Variants in MUC20 observed in about 807,000 individuals in gnomAD.
The protein encoded by MUC20 is mucin 20, cell surface associated, also known as mucin-20.
Under a neutral mutation model 23.8 loss-of-function variants are expected in MUC20, and 14 were observed. The ratio of observed to expected loss-of-function variants is 0.59; its 90% CI spans 0.39 to 0.92. The LOEUF is 0.92. MUC20 is among the 40% of genes least tolerant of loss of function. The pLI, the probability that MUC20 is intolerant of heterozygous loss-of-function variation, is 0.00. For missense variants in MUC20, 375 were observed against 668.8 expected (o/e 0.56, Z 4.85); for synonymous variants, 166 against 279.3 (o/e 0.59, Z 4.04).
At chr3:195,727,609 A>G (rs1404468775) in intron 2 of MUC20, among the ~76,000 whole-genome samples, 1 of 152,298 alleles carries the variant, frequency 6.6e-6, no homozygotes, top group African/African-American at 2.4e-5. Flanking sequence ...GGGAATACAA[A>G]TATTAATCAC....
At chr3:195,727,777 G>A (rs866966310) in intron 2 of MUC20, among the ~76,000 whole-genome samples, 3 of 152,140 alleles carry the variant, frequency 2.0e-5, no homozygotes, top group Middle Eastern at 3.4e-3. Flanking sequence ...TCTGATGCCA[G>A]GCAGTGTGCC....
chr3:195,732,108 A>T (rs1302178692), intron 3 of MUC20, among the ~76,000 whole-genome samples: 1 of 152,172 alleles, frequency 6.6e-6, no homozygotes, highest in East Asian at 1.9e-4. Flanking sequence ...GGTTCAAGCC[A>T]TTCTCCTGCC....
Position 195,726,296 on chromosome 3 carries a change from T to A in MUC20, c.1693T>A (p.Ser565Thr), listed in dbSNP as rs745678866. The change falls in exon 2 of 4, where the codon TCC becomes ACC. Residue 565 changes from serine to threonine, a missense_variant. This residue lies in a region of MUC20 where 343 missense variants were observed against 340.2 expected (regional missense o/e 1.01). Coordinates refer to ENST00000447234, the MANE Select transcript of MUC20 (RefSeq NM_001282506.2). ...EAGSAVGKTT[S>T]FAGSSASSYS... ...TGGGTCAGCAGTGGGCAAAACAACT[T>A]CCTTTGCTGGGAGCTCTGCTTCCTC... The A allele has an allele frequency of 6.2e-7, 1 of 1,614,030 alleles. No homozygotes were observed. The highest frequency in any genetic ancestry group is 8.5e-7 in the Non-Finnish European group (1 of 1,179,886).
Position 195,729,646 on chromosome 3 carries a change from A to C in MUC20, c.1970-2A>C. On this transcript the variant is annotated splice_acceptor_variant, in intron 2 of 3. Transcript: ENST00000447234. LOFTEE classifies it high-confidence loss of function. ...TTTCATCTTACTGTTCTCCATTTGC[A>C]GGTGAAAATGGAGGTTTCCTCCTCC... 6.3e-7 allele frequency: 1 copy of C among 1,575,134 alleles called. No individual in the cohort carries two copies. Among genetic ancestry groups the C allele is most frequent in the Non-Finnish European group, 8.6e-7 (1 of 1,158,840 alleles).
chr3:195,729,527 G>T, intron 2 of MUC20, 121 bp from the exon 3 acceptor site: 1 of 912,588 alleles, frequency 1.1e-6, no homozygotes, highest in Non-Finnish European at 1.7e-6. Flanking sequence ...TGTTGGTCAG[G>T]CTGGTCTCAA....
Position 195,725,773 on chromosome 3 carries a change from C to T in MUC20, c.1170C>T (p.Asp390=), listed in dbSNP as rs532880685. 4.2e-5 allele frequency: 63 copies of T among 1,507,456 alleles called. No individual in the cohort carries two copies. The Admixed American group carries it at 7.4e-4, about 18-fold the overall frequency. 93.4% of individuals were successfully genotyped at this position (1,507,456 alleles called of 1,614,324 possible). A position where few individuals can be genotyped will look rare whatever the true frequency, so the allele number is the denominator to read the frequency against. Residue 390 remains aspartate (D), a synonymous_variant, in exon 2 of 4, where the codon GAC becomes GAT. Transcript: ENST00000447234. ...CCTCAGAGAGCAGCGCCTCTTCCGA[C>T]GGCCCCCATCCAGTCATCACCCCCT... ...SRASESSASS[D]GPHPVITPSW... is the part of the protein sequence containing the mutation.
chr3:195,723,549 G>T (rs1560174239), intron 1 of MUC20, among the ~76,000 whole-genome samples: 1 of 124,466 alleles, frequency 8.0e-6, no homozygotes, highest in African/African-American at 3.5e-5. Context: ...TTTTTTAAGT[G>T]TAAGTATGTA....
rs547741877 is a variant in MUC20 at position 195,733,485 on chromosome 3, TAAAG to T, written c.*269_*272del. ...CCTTGGCACATGTTCTGTGTTTCAGTAAAGAGAGACCTGATCACCCATCTGTGTG... is the reference window on the plus strand; with the variant it reads ...CCTTGGCACATGTTCTGTGTTTCAGTAGAGACCTGATCACCCATCTGTGTG... On this transcript the variant is annotated 3_prime_UTR_variant, in exon 4 of 4. Coordinates refer to ENST00000447234, the MANE Select transcript of MUC20 (RefSeq NM_001282506.2). 7.2e-4 allele frequency: 1,002 copies of T among 1,398,290 alleles called. 1 individual carries two copies. The African/African-American group carries it at 0.013, about 18-fold the overall frequency. The allele number at this position is 1,398,290 out of a possible 1,614,324, so 86.6% of individuals were successfully genotyped here.
In MUC20 at chr3:195,725,797, C is replaced by A. The variant is rs201581458; in HGVS notation, c.1194C>A (p.Pro398=). The change falls in exon 2 of 4, where the codon CCC becomes CCA. Residue 398 remains proline (P), a synonymous_variant. Coordinates refer to ENST00000447234, the MANE Select transcript of MUC20 (RefSeq NM_001282506.2). ...SSDGPHPVIT[P]SWSPGSDVTL... is the part of the protein sequence containing the mutation. ...ACGGCCCCCATCCAGTCATCACCCC[C>A]TCATGGTCCCCGGGATCTGACGTCA... 23 of 682,780 alleles carry A rather than the reference C, an allele frequency of 3.4e-5. No homozygotes were observed. The highest frequency in any genetic ancestry group is 7.8e-5 in the South Asian group (4 of 51,222). The allele number at this position is 682,780 out of a possible 1,614,324, so 42.3% of individuals were successfully genotyped here.
At position 195,733,255 on chromosome 3, in the gene MUC20, A is replaced by G. The variant is rs1275809205; in HGVS notation, c.*37A>G. ...TGCAGCCAGGCATGTCCCGTATGCC[A>G]AAAGAGGGTGCTGCCCCTAGCCTGG... On this transcript the variant is annotated 3_prime_UTR_variant, in exon 4 of 4. Coordinates refer to ENST00000447234, the MANE Select transcript of MUC20 (RefSeq NM_001282506.2). 1.9e-6 allele frequency: 3 copies of G among 1,564,934 alleles called. No homozygotes were observed. Among genetic ancestry groups the G allele is most frequent in the Admixed American group, 3.8e-5 (2 of 52,508 alleles).
rs1488708634 is a variant in MUC20, at chr3:195,726,211, C to G, written c.1608C>G (p.Leu536=). ...ATCCCCTTGAAGAAACCTCAGCCCTCTCTGTTGAGACACCAAGTTACGTCA... is the reference window on the plus strand; with the variant it reads ...ATCCCCTTGAAGAAACCTCAGCCCTGTCTGTTGAGACACCAAGTTACGTCA... ...SRNPLEETSA[L]SVETPSYVKV... The change falls in exon 2 of 4, where the codon CTC becomes CTG. Residue 536 remains leucine, a synonymous_variant. Coordinates refer to ENST00000447234, the MANE Select transcript of MUC20 (RefSeq NM_001282506.2). 1 of 1,612,554 alleles carries G rather than the reference C, an allele frequency of 6.2e-7. No homozygotes were observed. The highest frequency in any genetic ancestry group is 1.7e-5 in the Admixed American group (1 of 59,950).
At chr3:195,730,236 C>A in intron 3 of MUC20, 1 of 157,574 alleles carries the variant, frequency 6.3e-6, no homozygotes. Flanking sequence ...GCTTTACTCC[C>A]TTCATTCTTC....
chr3:195,731,004 CT>C (rs1442397391), intron 3 of MUC20, among the ~76,000 whole-genome samples: 2 of 152,202 alleles, frequency 1.3e-5, no homozygotes, highest in Non-Finnish European at 2.9e-5. Flanking sequence ...GGTTGTTCTC[CT>C]AATGTGTGGT....
At position 195,729,705 on chromosome 3, in the gene MUC20, C is replaced by T; in HGVS notation, c.2027C>T (p.Thr676Ile). The T allele has an allele frequency of 6.3e-7, 1 of 1,598,052 alleles. No individual in the cohort carries two copies. The highest frequency in any genetic ancestry group is 8.5e-7 in the Non-Finnish European group (1 of 1,171,764). ...RLSVASPEDL[T>I]DPRVAERLMQ... ...AGTGTGGCTTCCCCGGAAGACCTCA[C>T]TGACCCCAGAGTGGCAGAAAGGCTG... Residue 676 changes from threonine to isoleucine, a missense_variant, in exon 3 of 4, where the codon ACT (threonine) becomes ATT (isoleucine). Thr to Ile is a moderately conservative substitution (Grantham distance 89). Coordinates refer to ENST00000447234, the MANE Select transcript of MUC20 (RefSeq NM_001282506.2).
In MUC20 at chr3:195,729,754, T is replaced by G; in HGVS notation, c.2061+15T>G. 4 of 1,582,810 alleles carry G rather than the reference T, an allele frequency of 2.5e-6. No individual in the cohort carries two copies. The highest frequency in any genetic ancestry group is 3.4e-6 in the Non-Finnish European group (4 of 1,163,440). On this transcript the variant is annotated intron_variant, in intron 3 of 3. Transcript: ENST00000447234. ...TGATGCAGCAGGTGAGTGGGCACTT[T>G]CCGGGCCAGGGGAGTAGAGGAAGGG...
chr3:195,729,613 G>A (rs1242086934), intron 2 of MUC20, 35 bp from the exon 3 acceptor site: 13 of 1,547,658 alleles, frequency 8.4e-6, no homozygotes, highest in Non-Finnish European at 1.1e-5. Context: ...ACTGCGCCCA[G>A]CCCTGATTTT....
chr3:195,732,048 A>G (rs1423393253), intron 3 of MUC20, among the ~76,000 whole-genome samples: 1 of 152,020 alleles, frequency 6.6e-6, no homozygotes, highest in African/African-American at 2.4e-5. Context: ...CTGTCATCCA[A>G]GCTGGAGTGC....
Position 195,733,246 on chromosome 3 carries a change from C to T in MUC20, c.*28C>T, listed in dbSNP as rs1278098442. ...GACATCAGCTGCAGCCAGGCATGTCCCGTATGCCAAAAGAGGGTGCTGCCC... is the reference window on the plus strand; with the variant it reads ...GACATCAGCTGCAGCCAGGCATGTCTCGTATGCCAAAAGAGGGTGCTGCCC... On this transcript the variant is annotated 3_prime_UTR_variant, in exon 4 of 4. Coordinates refer to ENST00000447234, the MANE Select transcript of MUC20 (RefSeq NM_001282506.2). The T allele has an allele frequency of 2.5e-6, 4 of 1,570,332 alleles. No homozygotes were observed. The highest frequency in any genetic ancestry group is 3.5e-6 in the Non-Finnish European group (4 of 1,158,520).
rs150193400 is a variant in MUC20, at chr3:195,733,418, G to T, written c.*200G>T. On this transcript the variant is annotated 3_prime_UTR_variant, in exon 4 of 4. Coordinates refer to ENST00000447234, the MANE Select transcript of MUC20 (RefSeq NM_001282506.2). ...CTCACATCCACCGGAGTGTATGTGT[G>T]GGGAGGGGCTTCACCTGTTCCCAGA... 1,416 of 1,437,886 alleles carry T rather than the reference G, an allele frequency of 9.8e-4. 1 individual carries two copies. Among genetic ancestry groups the T allele is most frequent in the Non-Finnish European group, 1.2e-3 (1,294 of 1,099,358 alleles). The allele number at this position is 1,437,886 out of a possible 1,614,324, so 89.1% of individuals were successfully genotyped here. A position where few individuals can be genotyped will look rare whatever the true frequency, so the allele number is the denominator to read the frequency against.
Sources: allele counts gnomAD v4.1 joint callset (sites outside exome capture counted in the v4.1 genomes callset), GRCh38; gene constraint gnomAD v4.1.1; regional missense constraint gnomAD v4.1.1; transcripts MANE v1.5; gene names NCBI Gene and HGNC (gene_info 2026-07-23, HGNC 2026-07-21).